Variants in LRRC7 observed in about 807,000 individuals in gnomAD.
LRRC7 encodes the protein leucine rich repeat containing 7, also known as leucine-rich repeat-containing protein 7.
A neutral mutation model predicts 175.7 loss-of-function variants in LRRC7; 23 were observed. That is an observed-to-expected ratio of 0.13 (90% confidence interval 0.09 to 0.19). The LOEUF (loss-of-function observed/expected upper bound fraction) is 0.19. Among genes scored for constraint, LRRC7 ranks in the 10% least tolerant of loss-of-function variants. The probability of loss-of-function intolerance (pLI) is 1.00; values close to 1 mark genes in which losing one functional copy is unlikely to be tolerated. For synonymous variants in LRRC7, 685 were observed against 680.9 expected (o/e 1.01, Z -0.09); for missense variants, 1,354 against 1,904.7 (o/e 0.71, Z 5.38).
chr1:70,135,117 T>C lies in LRRC7; in HGVS notation c.*13230T>C, dbSNP rs1056509167. On this transcript the variant is annotated 3_prime_UTR_variant, in exon 27 of 27. Coordinates refer to ENST00000651989, the MANE Select transcript of LRRC7 (RefSeq NM_001370785.2). ...CCAGTTGCGCTTTTTATTTCTTTTT[T>C]CCTTTCTTTTCTTTTGCACTACCTC... is the stretch of plus-strand genomic sequence containing the variant. Among the ~76,000 whole-genome samples the C allele has an allele frequency of 6.6e-6, 1 of 152,210 alleles. No homozygotes were observed. The highest frequency in any genetic ancestry group is 1.5e-5 in the Non-Finnish European group (1 of 68,042).
intron 4 of LRRC7, among the ~76,000 whole-genome samples, chr1:69,804,509 T>G (rs934606783): frequency 1.2e-4 from 18 of 151,502 alleles, no homozygotes; most frequent in African/African-American, 4.4e-4. Context: ...ATTCTTTCTT[T>G]GAAAAAATAA....
chr1:69,749,683 G>A (rs998532767), intron 2 of LRRC7, among the ~76,000 whole-genome samples: 2 of 152,202 alleles, frequency 1.3e-5, no homozygotes, highest in East Asian at 3.9e-4. Flanking sequence ...GATTGGTAGG[G>A]TTGACATAGA....
At chr1:69,853,270 C>CTTTTTTTTTTTTTTTTT (rs1163071175) in intron 7 of LRRC7, among the ~76,000 whole-genome samples, 3 of 88,012 alleles carry the variant, frequency 3.4e-5, no homozygotes, top group Non-Finnish European at 6.8e-5. Flanking sequence ...TCCTTTCTTT[C>CTTTTTTTTTTTTTTTTT]TTTTTTTTTT....
At chr1:69,595,609 C>T (rs1646811251) in intron 1 of LRRC7, among the ~76,000 whole-genome samples, 1 of 152,184 alleles carries the variant, frequency 6.6e-6, no homozygotes, top group Non-Finnish European at 1.5e-5. Context: ...TACAACCTTA[C>T]TTTCCCTGCC....
At chr1:69,849,970 A>G (rs1292883701) in intron 7 of LRRC7, among the ~76,000 whole-genome samples, 1 of 152,054 alleles carries the variant, frequency 6.6e-6, no homozygotes, top group Non-Finnish European at 1.5e-5. Context: ...AAACAAATAA[A>G]TGAGTAAGAT....
intron 7 of LRRC7, among the ~76,000 whole-genome samples, chr1:69,889,982 T>C (rs1397311934): frequency 1.3e-5 from 2 of 152,240 alleles, no homozygotes; most frequent in Admixed American, 1.3e-4. Flanking sequence ...GATCTCTTTC[T>C]ACCACATTGA....
chr1:69,667,778 T>G (rs1159893205), intron 1 of LRRC7, among the ~76,000 whole-genome samples: 1 of 152,226 alleles, frequency 6.6e-6, no homozygotes, highest in Non-Finnish European at 1.5e-5. Flanking sequence ...AACTTTTGAT[T>G]GAAGAGTTTA....
chr1:69,965,776 G>T (rs1651603720), intron 8 of LRRC7, among the ~76,000 whole-genome samples: 2 of 152,190 alleles, frequency 1.3e-5, no homozygotes, highest in South Asian at 4.1e-4. Flanking sequence ...CAGTCTCAAG[G>T]CATGTAATAC....
At chr1:69,596,688 C>T (rs1431928502) in intron 1 of LRRC7, among the ~76,000 whole-genome samples, 1 of 152,174 alleles carries the variant, frequency 6.6e-6, no homozygotes, top group African/African-American at 2.4e-5. Flanking sequence ...AAAGCTAAAT[C>T]ACTTGTCTTC....
At chr1:69,613,941 T>C (rs895417020) in intron 1 of LRRC7, among the ~76,000 whole-genome samples, 1 of 152,034 alleles carries the variant, frequency 6.6e-6, no homozygotes, top group African/African-American at 2.4e-5. Context: ...ACAGATTTTA[T>C]TGAAAGCCTG....
chr1:69,836,799 C>T (rs555853029), intron 6 of LRRC7, among the ~76,000 whole-genome samples: 1 of 150,870 alleles, frequency 6.6e-6, no homozygotes, highest in African/African-American at 2.4e-5. Flanking sequence ...ATACCCATGC[C>T]GTGAAGAACT....
chr1:69,786,986 G>A (rs1292925726), intron 3 of LRRC7, among the ~76,000 whole-genome samples: 2 of 152,144 alleles, frequency 1.3e-5, no homozygotes, highest in African/African-American at 4.8e-5. Context: ...TTCCACCTAT[G>A]AGCCTGTAAA....
chr1:70,020,532 G>A (rs150475197), intron 15 of LRRC7, among the ~76,000 whole-genome samples: 79 of 152,162 alleles, frequency 5.2e-4, no homozygotes, highest in African/African-American at 1.7e-3. Flanking sequence ...GAGTTTAGCA[G>A]TTACAAATAA....
At chr1:69,996,102 G>T (rs2101916005) in intron 11 of LRRC7, among the ~76,000 whole-genome samples, 1 of 151,392 alleles carries the variant, frequency 6.6e-6, no homozygotes, top group Middle Eastern at 3.4e-3. Flanking sequence ...CATTCTAACT[G>T]GTGTGAGATG....
intron 1 of LRRC7, among the ~76,000 whole-genome samples, chr1:69,597,456 T>C (rs1383766776): frequency 1.3e-5 from 2 of 152,210 alleles, no homozygotes; most frequent in African/African-American, 4.8e-5. Context: ...ATAGTACTAC[T>C]ATTACATACG....
intron 2 of LRRC7, among the ~76,000 whole-genome samples, chr1:69,750,491 T>G (rs1290599780): frequency 6.6e-6 from 1 of 152,142 alleles, no homozygotes; most frequent in Non-Finnish European, 1.5e-5. Context: ...CTAGAAAACA[T>G]TGGTTTGAAC....
intron 3 of LRRC7, among the ~76,000 whole-genome samples, chr1:69,784,485 G>T (rs1000530039): frequency 6.6e-6 from 1 of 152,102 alleles, no homozygotes; most frequent in African/African-American, 2.4e-5. Context: ...ACTCACAAAA[G>T]ACATGGTTCC....
At chr1:69,640,232 T>A (rs1172085387) in intron 1 of LRRC7, among the ~76,000 whole-genome samples, 1 of 151,784 alleles carries the variant, frequency 6.6e-6, no homozygotes, top group African/African-American at 2.4e-5. Context: ...TCTGATGTCT[T>A]TTCCACAAGA....
intron 3 of LRRC7, among the ~76,000 whole-genome samples, chr1:69,780,645 C>CA (rs35619672): frequency 0.38 from 57,036 of 151,666 alleles, 10,782 homozygotes; most frequent in East Asian, 0.52. Flanking sequence ...TCTTTTCTAA[C>CA]AAAAAAAATT....
Sources: gnomAD v4.1 joint callset for allele counts (sites outside exome capture counted in the v4.1 genomes callset) on GRCh38, gnomAD v4.1.1 for gene constraint, MANE v1.5 for transcripts, NCBI Gene and HGNC (gene_info 2026-07-23, HGNC 2026-07-21) for gene names.